CPT1A: variants seen among roughly 807,000 people sequenced by gnomAD.
CPT1A encodes carnitine palmitoyltransferase 1A.
Under a neutral mutation model 100.8 loss-of-function variants are expected in CPT1A, and 64 were observed. The observed-to-expected ratio is 0.63, with a 90% confidence interval of 0.52 to 0.78. The LOEUF (loss-of-function observed/expected upper bound fraction) is 0.78. CPT1A is among the 30% of genes least tolerant of loss of function. The pLI, the probability that CPT1A is intolerant of heterozygous loss-of-function variation, is 0.00. For missense variants in CPT1A, 802 were observed against 1,034.1 expected (o/e 0.78, Z 3.08); for synonymous variants, 363 against 396.0 (o/e 0.92, Z 0.99).
At chr11:68,775,772 G>A (rs535919397) in intron 12 of CPT1A, among the ~76,000 whole-genome samples, 4 of 152,310 alleles carry the variant, frequency 2.6e-5, no homozygotes, top group East Asian at 1.9e-4. Context: ...TGGTGACAGC[G>A]CAGACAAGAA....
intron 18 of CPT1A, 21 bp downstream of exon 18, chr11:68,759,548 G>T (rs1946760874): frequency 6.6e-7 from 1 of 1,512,684 alleles, no homozygotes; most frequent in Non-Finnish European, 9.2e-7. Context: ...TTCAGAAAAA[G>T]GAACTTCTTT....
chr11:68,763,619 A>G (rs1854700938), intron 14 of CPT1A, among the ~76,000 whole-genome samples: 1 of 152,130 alleles, frequency 6.6e-6, no homozygotes, highest in African/African-American at 2.4e-5. Flanking sequence ...TGCACAGGGA[A>G]GGTCTCTTCC....
At chr11:68,817,805 G>A (rs935680947) in intron 1 of CPT1A, among the ~76,000 whole-genome samples, 1 of 150,250 alleles carries the variant, frequency 6.7e-6, no homozygotes, top group Non-Finnish European at 1.5e-5. Context: ...GCGGGGTCAA[G>A]GGCAGGGTGT....
intron 1 of CPT1A, among the ~76,000 whole-genome samples, chr11:68,835,267 G>C (rs35956171): frequency 0.4 from 60,340 of 152,108 alleles, 14,854 homozygotes; most frequent in Admixed American, 0.59. Context: ...CACTCGGGCA[G>C]GAGCTCAGAC....
At chr11:68,793,603 G>A (rs540465830) in intron 8 of CPT1A, among the ~76,000 whole-genome samples, 12 of 152,060 alleles carry the variant, frequency 7.9e-5, no homozygotes, top group African/African-American at 2.2e-4. Flanking sequence ...AAAATTAGCC[G>A]GGCATGGTGT....
Position 68,755,088 on chromosome 11 carries a change from A to G in CPT1A, c.*2556T>C, listed in dbSNP as rs377375265. The stretch of plus-strand genomic sequence containing the variant: ...TTATCACCCCCCTTGGACATGTACA[A>G]TAAGACCCCTCTTTCTCCCCTCAAG... On this transcript the variant is annotated 3_prime_UTR_variant, in exon 19 of 19. Transcript: ENST00000265641. The G allele has an allele frequency of 2.4e-5, 12 of 501,814 alleles. No individual in the cohort carries two copies. Among genetic ancestry groups the G allele is most frequent in the Non-Finnish European group, 3.9e-5 (11 of 281,290 alleles). 31.1% of individuals were successfully genotyped at this position (501,814 alleles called of 1,614,324 possible). A position where few individuals can be genotyped will look rare whatever the true frequency, so the allele number is the denominator to read the frequency against.
chr11:68,754,859 T>C (rs772137339), downstream of CPT1A: 3 of 780,812 alleles, frequency 3.8e-6, no homozygotes, highest in Non-Finnish European at 7.2e-6. Flanking sequence ...CCCCTTAATA[T>C]AACAAAAGAG....
rs1470325248 is a variant in CPT1A at position 68,841,114 on chromosome 11, G to C, written c.-14+661C>G. 6.6e-6 allele frequency among the ~76,000 whole-genome samples: 1 copy of C among 152,266 alleles called. No homozygotes were observed. The highest frequency in any genetic ancestry group is 1.5e-5 in the Non-Finnish European group (1 of 68,050). On this transcript the variant is annotated intron_variant, in intron 1 of 18. Transcript: ENST00000265641. The surrounding 1 kb of genome is among the most constrained non-coding windows in gnomAD (Gnocchi z 6.3). The stretch of plus-strand genomic sequence containing the variant: ...AGGGCGGGCATGGGGAGGGGGACCG[G>C]GGAGACGGACGCTGGGATGGGGTCA...
At chr11:68,820,504 G>C (rs3019610) in intron 1 of CPT1A, among the ~76,000 whole-genome samples, 1 of 151,760 alleles carries the variant, frequency 6.6e-6, no homozygotes, top group African/African-American at 2.4e-5. Flanking sequence ...CCAACATGGC[G>C]AAACCCTGTC....
intron 1 of CPT1A, among the ~76,000 whole-genome samples, chr11:68,838,626 C>A (rs971769833): frequency 7.0e-6 from 1 of 142,980 alleles, no homozygotes; most frequent in African/African-American, 2.6e-5. Flanking sequence ...GAGGCTGGAG[C>A]GCAGTGGTGC....
chr11:68,789,700 G>T (rs1855563041), intron 9 of CPT1A, among the ~76,000 whole-genome samples: 1 of 151,852 alleles, frequency 6.6e-6, no homozygotes, highest in African/African-American at 2.4e-5. Context: ...CCACTCCCAG[G>T]CTTTGTATTT....
intron 3 of CPT1A, among the ~76,000 whole-genome samples, chr11:68,810,755 C>A (rs148779528): frequency 1.3e-5 from 2 of 152,080 alleles, no homozygotes; most frequent in Non-Finnish European, 2.9e-5. Flanking sequence ...GAGGCCGAGG[C>A]GAGTGGACCA....
In CPT1A at chr11:68,785,022, G is replaced by A. The variant is rs778824894; in HGVS notation, c.968-12C>T. Reference sequence around the variant, plus strand: ...GTGCTGGATGGTGTCTGAGCCGGCCGCAGGTTGGAGACACAAAACCAAGAG... The same window carrying A: ...GTGCTGGATGGTGTCTGAGCCGGCCACAGGTTGGAGACACAAAACCAAGAG... On this transcript the variant is annotated splice_polypyrimidine_tract_variant and intron_variant, in intron 9 of 18. Coordinates refer to ENST00000265641, the MANE Select transcript of CPT1A (RefSeq NM_001876.4). 18 of 1,612,370 alleles carry A rather than the reference G, an allele frequency of 1.1e-5. No individual in the cohort carries two copies. Among genetic ancestry groups the A allele is most frequent in the African/African-American group, 2.7e-5 (2 of 74,898 alleles).
Position 68,762,629 on chromosome 11 carries a change from T to C in CPT1A, c.1873A>G (p.Thr625Ala). ...TCCTCAGCCTGATGGCACATTACCGTCTGGGCCGGGTCCACCATGGCCCGC... is the reference window on the plus strand; with the variant it reads ...TCCTCAGCCTGATGGCACATTACCGCCTGGGCCGGGTCCACCATGGCCCGC... ...FVRAMVDPAQ[T>A]VEQRLKLFKL... The change falls in exon 15 of 19, where the codon ACG (threonine) becomes GCG (alanine). Residue 625 changes from threonine to alanine, a missense_variant and splice_region_variant. This residue lies in a region of CPT1A where 627 missense variants were observed against 799.3 expected (regional missense o/e 0.78). Coordinates refer to ENST00000265641, the MANE Select transcript of CPT1A (RefSeq NM_001876.4). 4 of 1,613,602 alleles carry C rather than the reference T, an allele frequency of 2.5e-6. No homozygotes were observed. The highest frequency in any genetic ancestry group is 3.4e-6 in the Non-Finnish European group (4 of 1,180,016).
intron 1 of CPT1A, among the ~76,000 whole-genome samples, chr11:68,824,817 A>T (rs1856679934): frequency 2.0e-5 from 2 of 101,898 alleles, no homozygotes; most frequent in African/African-American, 4.0e-5. Flanking sequence ...TTTTTTTGAG[A>T]CTGTTGAGTC....
At chr11:68,792,121 G>A (rs1200625129) in intron 9 of CPT1A, among the ~76,000 whole-genome samples, 2 of 151,898 alleles carry the variant, frequency 1.3e-5, no homozygotes, top group Admixed American at 6.6e-5. Flanking sequence ...GGACGATCAC[G>A]AGGTCAGGAG....
rs1383467224 is a variant in CPT1A at position 68,757,628 on chromosome 11, A to T, written c.*16T>A. On this transcript the variant is annotated 3_prime_UTR_variant, in exon 19 of 19. Coordinates refer to ENST00000265641, the MANE Select transcript of CPT1A (RefSeq NM_001876.4). The stretch of plus-strand genomic sequence containing the variant: ...ATCAGAAGAGCTCGTTTTCCTTCCC[A>T]GCAGCTCCAGTGGAATTACTTTTTG... 6.2e-7 allele frequency: 1 copy of T among 1,614,022 alleles called. No homozygotes were observed. Among genetic ancestry groups the T allele is most frequent in the African/African-American group, 1.3e-5 (1 of 74,934 alleles).
intron 9 of CPT1A, among the ~76,000 whole-genome samples, chr11:68,787,822 T>C (rs1855507065): frequency 6.6e-6 from 1 of 151,674 alleles, no homozygotes; most frequent in African/African-American, 2.4e-5. Context: ...CGGACACCTG[T>C]AGTCCCAGCT....
chr11:68,820,789 C>T (rs1304150666), intron 1 of CPT1A, among the ~76,000 whole-genome samples: 1 of 152,124 alleles, frequency 6.6e-6, no homozygotes, highest in African/African-American at 2.4e-5. Context: ...CACCCCTTTG[C>T]CCAGGCTACC....
Sources: allele counts gnomAD v4.1 joint callset (sites outside exome capture counted in the v4.1 genomes callset), GRCh38; gene constraint gnomAD v4.1.1; regional missense constraint gnomAD v4.1.1; non-coding constraint Gnocchi (gnomAD v3.1); transcripts MANE v1.5; gene names NCBI Gene and HGNC (gene_info 2026-07-23, HGNC 2026-07-21).